Variants in LARGE1 observed in about 807,000 individuals in gnomAD.
LARGE1 encodes xylosyl- and glucuronyltransferase LARGE1.
In LARGE1, 43 loss-of-function variants were observed where a neutral mutation model predicts 87.6. The observed-to-expected ratio is 0.49, with a 90% CI of 0.38 to 0.63. The LOEUF (loss-of-function observed/expected upper bound fraction) is 0.63, where lower values mean the gene tolerates loss of function less well. Among genes scored for constraint, LARGE1 ranks in the 30% least tolerant of loss-of-function variants. LARGE1 has a pLI of 0.00. For synonymous variants in LARGE1, 434 were observed against 394.6 expected (o/e 1.10, Z -1.18); for missense variants, 802 against 1,000.2 (o/e 0.80, Z 2.67).
At chr22:33,466,714 A>ACACACACACACACACACC (rs1491413395) in intron 6 of LARGE1, among the ~76,000 whole-genome samples, 1 of 141,930 alleles carries the variant, frequency 7.0e-6, no homozygotes, top group Non-Finnish European at 1.5e-5. Context: ...ACACACACAC[A>ACACACACACACACACACC]TACACACACA....
intron 9 of LARGE1, among the ~76,000 whole-genome samples, chr22:33,368,287 TTGGGAGGCCGAGG>T (rs1345617069): frequency 6.6e-6 from 1 of 152,116 alleles, no homozygotes; most frequent in Non-Finnish European, 1.5e-5. Context: ...TCCCAGCACT[TTGGGAGGCCGAGG>T]TGGGAGGCCG....
chr22:33,835,575 T>C (rs2063088102), intron 1 of LARGE1, among the ~76,000 whole-genome samples: 1 of 152,188 alleles, frequency 6.6e-6, no homozygotes. Context: ...CCTGGCAATA[T>C]CCTCAAGCAC....
At chr22:33,782,386 GA>G (rs1416959434) in intron 1 of LARGE1, among the ~76,000 whole-genome samples, 1 of 152,116 alleles carries the variant, frequency 6.6e-6, no homozygotes, top group Non-Finnish European at 1.5e-5. Context: ...TGGGAGTGAG[GA>G]AAATGTTCTG....
At position 33,274,287 on chromosome 22, in the gene LARGE1, G is replaced by C; in HGVS notation, c.*140C>G. 2.3e-6 allele frequency: 2 copies of C among 853,166 alleles called. No homozygotes were observed. Among genetic ancestry groups the C allele is most frequent in the Non-Finnish European group, 1.9e-6 (1 of 516,848 alleles). 52.8% of individuals were successfully genotyped at this position (853,166 alleles called of 1,614,324 possible). On this transcript the variant is annotated 3_prime_UTR_variant, in exon 15 of 15. Transcript: ENST00000397394. ...CCTTGTCCAAGGTCTCTGTAGTGAG[G>C]GCAGCTTGGCTGGGCCAAAGAGATA...
chr22:33,488,942 C>G (rs2069704025), intron 6 of LARGE1, among the ~76,000 whole-genome samples: 1 of 152,212 alleles, frequency 6.6e-6, no homozygotes, highest in African/African-American at 2.4e-5. Flanking sequence ...GAGTACCTAT[C>G]AAAGTCTTTG....
At position 33,651,027 on chromosome 22, in the gene LARGE1, AG is replaced by A. The variant is rs201727229; in HGVS notation, c.107-360del. 9.1e-3 allele frequency among the ~76,000 whole-genome samples: 1,383 copies of A among 151,846 alleles called. 28 individuals are homozygous for A. Among genetic ancestry groups the A allele is most frequent in the African/African-American group, 0.032 (1,318 of 41,378 alleles). ...AGTGGGCGGATTGGGGAGAAAGACA[AG>A]GGAGGGGAGAAGGAGTACCAGGAAG... On this transcript the variant is annotated intron_variant, in intron 2 of 14. Transcript: ENST00000397394.
intron 11 of LARGE1, among the ~76,000 whole-genome samples, chr22:33,188,083 A>T (rs894612763): frequency 1.3e-5 from 2 of 151,914 alleles, no homozygotes; most frequent in Admixed American, 1.3e-4. Context: ...ATCATATTGT[A>T]TATAATAAAC....
At chr22:33,067,797 A>G in the LARGE1 span, among the ~76,000 whole-genome samples, 1 of 151,966 alleles carries the variant, frequency 6.6e-6, no homozygotes, top group South Asian at 2.1e-4. Context: ...CTGGCCAAAT[A>G]GTGAAACCCC....
rs1244535703 is a variant in LARGE1 at position 33,548,862 on chromosome 22, T to C, written c.787+15986A>G. On this transcript the variant is annotated intron_variant, in intron 6 of 14. Coordinates refer to ENST00000397394, the MANE Select transcript of LARGE1 (RefSeq NM_133642.5). ...ATCTTCTCTTTTATCTCATAAGAAT[T>C]TGTGCTACCATGGGATATGACCTGT... Among the ~76,000 whole-genome samples, 7 of 152,224 alleles carry C rather than the reference T, an allele frequency of 4.6e-5. No individual in the cohort carries two copies. In the East Asian group the frequency reaches 1.3e-3, roughly 29 times the overall value.
Position 33,381,951 on chromosome 22 carries a change from C to T in LARGE1, c.1099G>A (p.Glu367Lys), listed in dbSNP as rs544601489. ...TCAGACACGTCTCTGTAGCACTGCT[C>T]GGAGCGGGTGTGGTCTGACAGCTGC... ...NVQLSDHTRS[E>K]QCYRDVSDLK... Residue 367 changes from glutamate to lysine, a missense_variant, in exon 9 of 15, where the codon GAG (glutamate) becomes AAG (lysine). Coordinates refer to ENST00000397394, the MANE Select transcript of LARGE1 (RefSeq NM_133642.5). 1 of 1,614,072 alleles carries T rather than the reference C, an allele frequency of 6.2e-7. No homozygotes were observed. The highest frequency in any genetic ancestry group is 1.3e-5 in the African/African-American group (1 of 75,010).
chr22:33,123,593 C>T, the LARGE1 span, among the ~76,000 whole-genome samples: 17,296 of 152,116 alleles, frequency 0.11, 1,081 homozygotes, highest in African/African-American at 0.15. Flanking sequence ...CAAAGCATTA[C>T]AAAAGCCAAT....
chr22:33,499,892 A>G (rs558569328), intron 6 of LARGE1, among the ~76,000 whole-genome samples: 2 of 152,050 alleles, frequency 1.3e-5, no homozygotes, highest in East Asian at 3.9e-4. Flanking sequence ...TCCTGCCTCA[A>G]TCTCCTGAGT....
downstream of LARGE1, among the ~76,000 whole-genome samples, chr22:33,160,393 G>T (rs1433490825): frequency 6.6e-6 from 1 of 152,122 alleles, no homozygotes; most frequent in African/African-American, 2.4e-5. Context: ...TTCATACTTG[G>T]CTCCTCCATT....
chr22:33,916,269 A>C (rs1159615692), intron 1 of LARGE1, among the ~76,000 whole-genome samples: 1 of 151,940 alleles, frequency 6.6e-6, no homozygotes, highest in East Asian at 1.9e-4. Context: ...TGACAGAGCA[A>C]GACTCCATCT....
chr22:33,464,866 ACACACTG>A (rs2068525468), intron 6 of LARGE1, among the ~76,000 whole-genome samples: 2 of 144,458 alleles, frequency 1.4e-5, no homozygotes, highest in African/African-American at 5.3e-5. Flanking sequence ...CACACTACAC[ACACACTG>A]CACACACATG....
chr22:33,913,963 A>G (rs1233361258), intron 1 of LARGE1, among the ~76,000 whole-genome samples: 1 of 152,226 alleles, frequency 6.6e-6, no homozygotes, highest in African/African-American at 2.4e-5. Flanking sequence ...GAGACTCACT[A>G]TGAATCCCTT....
chr22:33,639,552 A>T (rs780017987), intron 3 of LARGE1, among the ~76,000 whole-genome samples: 108 of 152,334 alleles, frequency 7.1e-4, no homozygotes, highest in Non-Finnish European at 1.1e-3. Context: ...TGGGAAGAAC[A>T]TGTTATTATT....
At chr22:33,836,291 A>G (rs1227515603) in intron 1 of LARGE1, among the ~76,000 whole-genome samples, 1 of 152,180 alleles carries the variant, frequency 6.6e-6, no homozygotes, top group Non-Finnish European at 1.5e-5. Context: ...ATATGGGAAA[A>G]TGGAAGCAAG....
intron 5 of LARGE1, among the ~76,000 whole-genome samples, chr22:33,591,362 T>G (rs1200316498): frequency 1.3e-5 from 2 of 152,234 alleles, no homozygotes; most frequent in Non-Finnish European, 1.5e-5. Flanking sequence ...TGAAGTGGTA[T>G]CTCAGGATGG....
Sources: gnomAD v4.1 joint callset for allele counts (sites outside exome capture counted in the v4.1 genomes callset) on GRCh38, gnomAD v4.1.1 for gene constraint, MANE v1.5 for transcripts, NCBI Gene and HGNC (gene_info 2026-07-23, HGNC 2026-07-21) for gene names.